Variants in ERCC1 observed in about 807,000 individuals in gnomAD.
The protein encoded by ERCC1 is DNA excision repair protein ERCC-1.
ERCC1 carries 36 observed loss-of-function variants against 37.6 expected under a neutral mutation model. The ratio of observed to expected loss-of-function variants is 0.96; its 90% CI spans 0.73 to 1.26. The LOEUF (loss-of-function observed/expected upper bound fraction) is 1.26. ERCC1 is among the 50% of genes most tolerant of loss of function. ERCC1 has a pLI of 0.00. For missense variants in ERCC1, 349 were observed against 376.5 expected, an observed-to-expected ratio of 0.93 and a Z score of 0.60; for synonymous variants, 156 against 162.1, an observed-to-expected ratio of 0.96 and a Z score of 0.28.
At position 45,416,643 on chromosome 19, in the gene ERCC1, A is replaced by C. The variant is rs1974086214; in HGVS notation, c.602+178T>G. 1.0e-5 allele frequency: 6 copies of C among 597,994 alleles called. No homozygotes were observed. The Admixed American group carries it at 1.2e-4, about 12-fold the overall frequency. 37.0% of individuals were successfully genotyped at this position (597,994 alleles called of 1,614,324 possible). ...ACAGAGTGAGGCTCTGTATCAAAAA[A>C]AAAAAAAAAAAAATTAAGACCTTGT... On this transcript the variant is annotated intron_variant, in intron 6 of 9. Transcript: ENST00000300853.
chr19:45,434,217 A>G (rs1974914988), intron 1 of ERCC1, among the ~76,000 whole-genome samples: 1 of 150,822 alleles, frequency 6.6e-6, no homozygotes, highest in East Asian at 1.9e-4. Context: ...GCCCTGGCTC[A>G]CACCTGTAAT....
At chr19:45,437,708 G>A (rs1304075403) in intron 1 of ERCC1, among the ~76,000 whole-genome samples, 1 of 152,158 alleles carries the variant, frequency 6.6e-6, no homozygotes, top group Admixed American at 6.6e-5. Context: ...AGTGGGAGAG[G>A]GTTGGGAAAA....
At chr19:45,433,031 G>A (rs576283362) in intron 1 of ERCC1, among the ~76,000 whole-genome samples, 9 of 152,210 alleles carry the variant, frequency 5.9e-5, no homozygotes, top group Admixed American at 4.6e-4. Context: ...GGTGAGCCGA[G>A]ATCGCGCCAC....
intron 1 of ERCC1, among the ~76,000 whole-genome samples, chr19:45,430,004 G>A (rs565755923): frequency 6.6e-6 from 1 of 152,210 alleles, no homozygotes; most frequent in African/African-American, 2.4e-5. Flanking sequence ...GGCTGGTTTC[G>A]AACTCCTGAC....
At chr19:45,432,049 G>A (rs192782327) in intron 1 of ERCC1, among the ~76,000 whole-genome samples, 110 of 152,152 alleles carry the variant, frequency 7.2e-4, no homozygotes, top group African/African-American at 2.5e-3. Context: ...TTGGCTCGCT[G>A]CAACCTCCGC....
chr19:45,418,510 C>T (rs1293902842), intron 5 of ERCC1, among the ~76,000 whole-genome samples: 1 of 146,602 alleles, frequency 6.8e-6, no homozygotes, highest in Non-Finnish European at 1.5e-5. Context: ...ACAGAGGAGA[C>T]TCCGTCTTAA....
At chr19:45,415,826 G>A (rs1188242486) in intron 6 of ERCC1, 2 of 455,384 alleles carry the variant, frequency 4.4e-6, no homozygotes, top group Admixed American at 2.4e-5. Flanking sequence ...TTGCTCTCTG[G>A]GCCTGTTTCC....
At chr19:45,444,053 T>C (rs1975191701) in intron 1 of ERCC1, among the ~76,000 whole-genome samples, 1 of 95,176 alleles carries the variant, frequency 1.1e-5, no homozygotes, top group Non-Finnish European at 2.1e-5. Flanking sequence ...ACCCCCACTA[T>C]CCTGCCCAGG....
At chr19:45,418,129 C>T (rs1214956667) in intron 5 of ERCC1, among the ~76,000 whole-genome samples, 1 of 152,042 alleles carries the variant, frequency 6.6e-6, no homozygotes, top group African/African-American at 2.4e-5. Flanking sequence ...TTTAGGATCA[C>T]CTGAGATCAG....
At chr19:45,413,117 G>A (rs1023030373) in intron 9 of ERCC1, among the ~76,000 whole-genome samples, 2 of 152,184 alleles carry the variant, frequency 1.3e-5, no homozygotes, top group African/African-American at 2.4e-5. Flanking sequence ...CATTACTCAA[G>A]AAATCTCTGC....
At chr19:45,417,410 G>A (rs903006353) in intron 5 of ERCC1, among the ~76,000 whole-genome samples, 4 of 152,166 alleles carry the variant, frequency 2.6e-5, no homozygotes, top group Non-Finnish European at 5.9e-5. Flanking sequence ...GGGGACATTA[G>A]AGCTGAGACC....
chr19:45,410,146 C>G (rs59228959), intron 9 of ERCC1: 3,243 of 155,160 alleles, frequency 0.021, 127 homozygotes, highest in African/African-American at 0.072. Context: ...CTCAGCCTCC[C>G]AGTGCTGGGA....
Position 45,408,091 on chromosome 19 carries a change from CT to C in ERCC1, c.*1583del. On this transcript the variant is annotated 3_prime_UTR_variant, in exon 10 of 10. Transcript: ENST00000300853. ...AAAAAATCAAAAAACCTTCCCTCTC[CT>C]GTTCCACTTAAGCCTCTGCCCTCCC... 1 of 1,511,994 alleles carries C rather than the reference CT, an allele frequency of 6.6e-7. No individual in the cohort carries two copies. The allele number at this position is 1,511,994 out of a possible 1,614,324, so 93.7% of individuals were successfully genotyped here.
At position 45,409,119 on chromosome 19, in the gene ERCC1, AAAAGAAGACGAAG is replaced by A. The variant is rs1568571162; in HGVS notation, c.*543_*555del. ...GCCCAGGCAGCTCTGGCAGCTCCCA[AAAAGAAGACGAAG>A]AAAGAAAAACAGCAAGATGCCACAG... On this transcript the variant is annotated 3_prime_UTR_variant, in exon 10 of 10. Transcript: ENST00000300853. The A allele has an allele frequency of 6.2e-7, 1 of 1,613,254 alleles. No homozygotes were observed. The highest frequency in any genetic ancestry group is 8.5e-7 in the Non-Finnish European group (1 of 1,179,410).
At chr19:45,422,171 G>C (rs887044324) in intron 2 of ERCC1, among the ~76,000 whole-genome samples, 1 of 152,056 alleles carries the variant, frequency 6.6e-6, no homozygotes, top group African/African-American at 2.4e-5. Flanking sequence ...CCTCTGCTCA[G>C]AGCTGGTGGG....
At chr19:45,417,051 C>T (rs559955463) in intron 5 of ERCC1, among the ~76,000 whole-genome samples, 154 bp from the exon 6 acceptor site, 4 of 151,848 alleles carry the variant, frequency 2.6e-5, no homozygotes, top group Non-Finnish European at 4.4e-5. Flanking sequence ...GAGCCAAGAT[C>T]GCGCCACTGC....
intron 5 of ERCC1, among the ~76,000 whole-genome samples, chr19:45,417,618 T>G (rs1405448891): frequency 3.3e-5 from 5 of 151,192 alleles, no homozygotes; most frequent in Non-Finnish European, 7.4e-5. Flanking sequence ...TGGGTAGAGG[T>G]TGGAGGTCAC....
chr19:45,441,794 C>T (rs1394573883), intron 1 of ERCC1, among the ~76,000 whole-genome samples: 2 of 151,784 alleles, frequency 1.3e-5, no homozygotes, highest in Non-Finnish European at 2.9e-5. Flanking sequence ...TCTCCTGCCT[C>T]AGCCTCCCAA....
intron 1 of ERCC1, among the ~76,000 whole-genome samples, chr19:45,438,186 A>G (rs556544752): frequency 2.0e-5 from 3 of 152,298 alleles, no homozygotes; most frequent in Admixed American, 2.0e-4. Context: ...CTGGGATTAC[A>G]GGCGTGAGCC....
Sources: gnomAD v4.1 joint callset for allele counts (sites outside exome capture counted in the v4.1 genomes callset) on GRCh38, gnomAD v4.1.1 for gene constraint, MANE v1.5 for transcripts, NCBI Gene and HGNC (gene_info 2026-07-23, HGNC 2026-07-21) for gene names.